The following SGCD variants were observed in gnomAD, a reference collection of about 807,000 sequenced individuals.
The protein encoded by SGCD is delta-sarcoglycan.
SGCD carries 18 observed loss-of-function variants against 36.6 expected under a neutral mutation model. That is an observed-to-expected ratio of 0.49 (90% confidence interval 0.34 to 0.73). The LOEUF (loss-of-function observed/expected upper bound fraction) is 0.73, where lower values mean the gene tolerates loss of function less well. Among genes scored for constraint, SGCD ranks in the 30% least tolerant of loss-of-function variants. SGCD has a pLI of 0.01. For missense variants in SGCD, 387 were observed against 346.7 expected (o/e 1.12, Z -0.92); for synonymous variants, 133 against 130.6 (o/e 1.02, Z -0.12).
intron 4 of SGCD, among the ~76,000 whole-genome samples, chr5:156,587,692 C>G (rs929671441): frequency 3.9e-5 from 6 of 152,070 alleles, no homozygotes; most frequent in African/African-American, 1.4e-4. Flanking sequence ...CTATGACTTT[C>G]TTTTTTCATT....
At chr5:156,726,152 G>GA (rs1188239558) in intron 7 of SGCD, among the ~76,000 whole-genome samples, 2 of 152,106 alleles carry the variant, frequency 1.3e-5, no homozygotes, top group Non-Finnish European at 2.9e-5. Context: ...TGAAATTCCT[G>GA]AAATATTTTA....
At chr5:156,282,658 G>A (rs140431647) in intron 3 of SGCD, among the ~76,000 whole-genome samples, 117 of 152,194 alleles carry the variant, frequency 7.7e-4, no homozygotes, top group African/African-American at 2.7e-3. Context: ...ACTGGTGTGA[G>A]TGTTTTTTTT....
the SGCD span, among the ~76,000 whole-genome samples, chr5:155,790,679 C>G: frequency 6.6e-6 from 1 of 152,058 alleles, no homozygotes; most frequent in African/African-American, 2.4e-5. Context: ...TAAAAGACCT[C>G]TTCCTTCAGG....
At chr5:156,595,554 C>T (rs1226040700) in intron 6 of SGCD, among the ~76,000 whole-genome samples, 3 of 152,300 alleles carry the variant, frequency 2.0e-5, no homozygotes, top group Admixed American at 1.3e-4. Context: ...AGTCTGGTCC[C>T]CTAGTGGAAA....
chr5:156,490,159 G>C (rs1561730508), intron 3 of SGCD, among the ~76,000 whole-genome samples: 1 of 151,980 alleles, frequency 6.6e-6, no homozygotes, highest in African/African-American at 2.4e-5. Context: ...ATTGAACCAG[G>C]AAGATACAGA....
chr5:156,630,624 CTTATCTTCCCTGG>C (rs1452086458), intron 6 of SGCD, among the ~76,000 whole-genome samples: 1 of 152,156 alleles, frequency 6.6e-6, no homozygotes, highest in African/African-American at 2.4e-5. Flanking sequence ...CTTATTAAAG[CTTATCTTCCCTGG>C]TTCCTTCTAT....
chr5:155,795,566 T>G, the SGCD span, among the ~76,000 whole-genome samples: 1 of 152,122 alleles, frequency 6.6e-6, no homozygotes, highest in Non-Finnish European at 1.5e-5. Flanking sequence ...TAGAAAACAT[T>G]TTATTAATCT....
intron 1 of SGCD, among the ~76,000 whole-genome samples, chr5:155,936,300 A>G (rs2113400585): frequency 6.6e-6 from 1 of 152,254 alleles, no homozygotes; most frequent in East Asian, 1.9e-4. Context: ...GGACAAGTGG[A>G]GGGTGAGCAA....
chr5:156,161,354 GGTTA>G (rs1388720782), intron 3 of SGCD, among the ~76,000 whole-genome samples: 3 of 151,494 alleles, frequency 2.0e-5, no homozygotes, highest in Non-Finnish European at 4.4e-5. Context: ...CTCATTGACA[GGTTA>G]GTTCCTCAAA....
chr5:156,217,704 G>T (rs144868537), intron 3 of SGCD, among the ~76,000 whole-genome samples: 1 of 152,024 alleles, frequency 6.6e-6, no homozygotes, highest in African/African-American at 2.4e-5. Context: ...TTTTTAATCA[G>T]GCAGGGCATA....
chr5:156,445,214 A>T (rs970718202), intron 3 of SGCD, among the ~76,000 whole-genome samples: 9 of 152,014 alleles, frequency 5.9e-5, no homozygotes, highest in African/African-American at 1.9e-4. Context: ...TCATTGCCTT[A>T]TGTCGATGAG....
rs568504844 is a variant in SGCD, at chr5:156,613,923, C to T, written c.502+18872C>T. 5.9e-5 allele frequency among the ~76,000 whole-genome samples: 9 copies of T among 152,214 alleles called. 1 individual carries two copies. Among genetic ancestry groups the T allele is most frequent in the Admixed American group, 3.9e-4 (6 of 15,288 alleles). The stretch of plus-strand genomic sequence containing the variant: ...AAATGCATTTGATCCTCACAACAAC[C>T]CTATTAGGAGGGTACAGGCTGGCTG... On this transcript the variant is annotated intron_variant, in intron 6 of 8. Coordinates refer to ENST00000337851, the MANE Select transcript of SGCD (RefSeq NM_000337.6).
intron 3 of SGCD, among the ~76,000 whole-genome samples, chr5:156,471,540 A>G (rs1156733160): frequency 6.6e-6 from 1 of 152,152 alleles, no homozygotes; most frequent in Non-Finnish European, 1.5e-5. Flanking sequence ...TGAGAGTGCT[A>G]AGGTCATTCG....
chr5:156,140,688 A>T (rs1329487540), intron 3 of SGCD, among the ~76,000 whole-genome samples: 1 of 152,222 alleles, frequency 6.6e-6, no homozygotes, highest in African/African-American at 2.4e-5. Context: ...GACAGAATTT[A>T]TAATCAAATA....
At chr5:156,273,500 T>C (rs1182330809) in intron 3 of SGCD, among the ~76,000 whole-genome samples, 5 of 152,200 alleles carry the variant, frequency 3.3e-5, no homozygotes, top group African/African-American at 7.2e-5. Flanking sequence ...GCAGTCTTAC[T>C]GGCATAACTT....
intron 3 of SGCD, among the ~76,000 whole-genome samples, chr5:156,355,380 T>C (rs1359396423): frequency 6.6e-6 from 1 of 152,212 alleles, no homozygotes; most frequent in East Asian, 1.9e-4. Context: ...CCAAGATAAC[T>C]ACTATGTTTT....
chr5:155,866,635 C>A (rs547244927), upstream of SGCD, among the ~76,000 whole-genome samples: 1 of 152,102 alleles, frequency 6.6e-6, no homozygotes, highest in Non-Finnish European at 1.5e-5. Flanking sequence ...GCTAGTACTA[C>A]GAAGGGGCAC....
At chr5:155,971,601 C>G (rs1006579829) in intron 1 of SGCD, among the ~76,000 whole-genome samples, 2 of 151,966 alleles carry the variant, frequency 1.3e-5, no homozygotes, top group African/African-American at 4.8e-5. Flanking sequence ...ATCCAGAGAC[C>G]ACAAACCTGC....
chr5:156,578,449 C>A (rs1760081217), intron 4 of SGCD, among the ~76,000 whole-genome samples: 1 of 152,138 alleles, frequency 6.6e-6, no homozygotes, highest in South Asian at 2.1e-4. Flanking sequence ...AGGGAGGATT[C>A]CCTCTTTTTC....
Sources: allele counts gnomAD v4.1 joint callset (sites outside exome capture counted in the v4.1 genomes callset), GRCh38; gene constraint gnomAD v4.1.1; transcripts MANE v1.5; gene names NCBI Gene and HGNC (gene_info 2026-07-23, HGNC 2026-07-21).